NNT: variants seen among roughly 807,000 people sequenced by gnomAD.
The protein encoded by NNT is NAD(P) transhydrogenase, mitochondrial.
NNT carries 50 observed loss-of-function variants against 104.8 expected under a neutral mutation model. That is an observed-to-expected ratio of 0.48 (90% confidence interval 0.38 to 0.60). The LOEUF is 0.60. Among genes scored for constraint, NNT ranks in the 20% least tolerant of loss-of-function variants. The probability of loss-of-function intolerance (pLI) is 0.00; values close to 1 mark genes in which losing one functional copy is unlikely to be tolerated. For missense variants in NNT, 1,131 were observed against 1,330.7 expected (o/e 0.85, Z 2.33); for synonymous variants, 461 against 490.4 (o/e 0.94, Z 0.79).
At position 43,671,022 on chromosome 5, in the gene NNT, C is replaced by G. The variant is rs142702686; in HGVS notation, c.2635-4489C>G. ...TTAGCTCTTCTTGTTGAATTGATCC[C>G]TTTACCATTATGTAATGGCCTTCTT... On this transcript the variant is annotated intron_variant, in intron 17 of 21. Transcript: ENST00000344920. Among the ~76,000 whole-genome samples, 1,700 of 152,278 alleles carry G rather than the reference C, an allele frequency of 0.011. 60 individuals carry two copies. In the East Asian group the frequency reaches 0.14, roughly 13 times the overall value.
chr5:43,704,471 A>G lies in NNT; in HGVS notation c.*67A>G. 6.6e-7 allele frequency: 1 copy of G among 1,512,700 alleles called. No individual in the cohort carries two copies. Among genetic ancestry groups the G allele is most frequent in the Non-Finnish European group, 9.1e-7 (1 of 1,096,628 alleles). The allele number at this position is 1,512,700 out of a possible 1,614,324, so 93.7% of individuals were successfully genotyped here. ...AGTTTTGGGAACAGGCAAATAAAGT[A>G]TCAGTATACATGGTGATGTACATCT... On this transcript the variant is annotated 3_prime_UTR_variant, in exon 22 of 22. Transcript: ENST00000344920.
chr5:43,694,575 A>G (rs1742455660), intron 19 of NNT, among the ~76,000 whole-genome samples: 2 of 152,204 alleles, frequency 1.3e-5, no homozygotes, highest in African/African-American at 4.8e-5. Flanking sequence ...TATGTGATGA[A>G]TCACGTTTAT....
intron 7 of NNT, among the ~76,000 whole-genome samples, chr5:43,636,600 G>A (rs192372416): frequency 2.6e-4 from 39 of 152,204 alleles, no homozygotes; most frequent in Middle Eastern, 3.4e-3. Context: ...ATCAGAATGC[G>A]TAATACAATT....
chr5:43,641,716 C>G (rs1751250045), intron 7 of NNT, among the ~76,000 whole-genome samples: 1 of 151,984 alleles, frequency 6.6e-6, no homozygotes, highest in Non-Finnish European at 1.5e-5. Flanking sequence ...AAATTTTAAA[C>G]TTGTTATAGT....
chr5:43,638,335 G>A (rs1160225111), intron 7 of NNT, among the ~76,000 whole-genome samples: 1 of 152,112 alleles, frequency 6.6e-6, no homozygotes, highest in East Asian at 1.9e-4. Context: ...TGAAGCTTGT[G>A]GACTGGGTGG....
At chr5:43,669,880 G>A (rs1347242542) in intron 17 of NNT, among the ~76,000 whole-genome samples, 1 of 152,102 alleles carries the variant, frequency 6.6e-6, no homozygotes, top group African/African-American at 2.4e-5. Flanking sequence ...TTGTACCTCT[G>A]GTAGAATTCA....
intron 17 of NNT, chr5:43,667,068 CTT>C: frequency 6.3e-7 from 1 of 1,592,782 alleles, no homozygotes; most frequent in Non-Finnish European, 8.5e-7. Context: ...CCTGCATCTT[CTT>C]TAGGCCCTTC....
chr5:43,621,566 G>GC (rs1343479767), intron 5 of NNT, among the ~76,000 whole-genome samples: 2 of 148,146 alleles, frequency 1.4e-5, no homozygotes, highest in Non-Finnish European at 3.0e-5. Context: ...TTTTGACTTG[G>GC]TTTTTTTTTT....
intron 17 of NNT, among the ~76,000 whole-genome samples, chr5:43,669,485 C>G (rs1232889753): frequency 6.6e-6 from 1 of 152,092 alleles, no homozygotes; most frequent in Non-Finnish European, 1.5e-5. Context: ...GAGTTTTTAG[C>G]ATGAAGAGTT....
At chr5:43,652,891 A>G (rs1739837819) in intron 13 of NNT, 127 bp from the exon 14 acceptor site, 3 of 628,274 alleles carry the variant, frequency 4.8e-6, no homozygotes, top group East Asian at 5.6e-5. Context: ...TATAAATGGT[A>G]TAAGTGCAAA....
intron 17 of NNT, among the ~76,000 whole-genome samples, chr5:43,672,120 G>A (rs1741135933): frequency 1.3e-5 from 2 of 152,146 alleles, no homozygotes; most frequent in Admixed American, 1.3e-4. Context: ...TTTGTGCCAT[G>A]GTTTTCAGCT....
chr5:43,607,319 C>T (rs889333724), intron 1 of NNT, among the ~76,000 whole-genome samples: 6 of 152,154 alleles, frequency 3.9e-5, no homozygotes, highest in African/African-American at 1.2e-4. Context: ...TTTGTTTGTG[C>T]CCAACCCTAA....
chr5:43,663,129 T>C (rs1296570334), intron 17 of NNT, among the ~76,000 whole-genome samples: 3 of 152,178 alleles, frequency 2.0e-5, no homozygotes, highest in Non-Finnish European at 2.9e-5. Flanking sequence ...TAATAATTTT[T>C]AGCTCCTAGT....
At chr5:43,664,746 A>G (rs1308453079) in intron 17 of NNT, among the ~76,000 whole-genome samples, 1 of 152,252 alleles carries the variant, frequency 6.6e-6, no homozygotes, top group Non-Finnish European at 1.5e-5. Flanking sequence ...AAAAGAAAAA[A>G]GAAAAAAAGA....
chr5:43,667,127 C>G (rs1053955685), intron 17 of NNT: 1 of 1,501,142 alleles, frequency 6.7e-7, no homozygotes, highest in Non-Finnish European at 9.1e-7. Context: ...AACTTGGGGT[C>G]CACCCCCTTA....
chr5:43,615,122 C>T (rs957905648), intron 3 of NNT, among the ~76,000 whole-genome samples: 21 of 150,436 alleles, frequency 1.4e-4, no homozygotes, highest in Admixed American at 2.6e-4. Flanking sequence ...CCGGCCTGGG[C>T]GACAGAGCGA....
chr5:43,661,949 A>G (rs1451480398), intron 17 of NNT, among the ~76,000 whole-genome samples: 2 of 152,134 alleles, frequency 1.3e-5, no homozygotes, highest in Non-Finnish European at 2.9e-5. Context: ...GCTGGGTCAA[A>G]TGGTATTTCT....
chr5:43,618,193 AT>A (rs1171614279), intron 4 of NNT, among the ~76,000 whole-genome samples: 2 of 152,204 alleles, frequency 1.3e-5, no homozygotes, highest in Non-Finnish European at 2.9e-5. Flanking sequence ...TTCACTGAGC[AT>A]TTTCTATGTG....
At chr5:43,668,494 A>T (rs1004256945) in intron 17 of NNT, among the ~76,000 whole-genome samples, 1 of 152,154 alleles carries the variant, frequency 6.6e-6, no homozygotes, top group Non-Finnish European at 1.5e-5. Context: ...AGCTTTCTTC[A>T]TATGTCTAGC....
Sources: gnomAD v4.1 joint callset for allele counts (sites outside exome capture counted in the v4.1 genomes callset) on GRCh38, gnomAD v4.1.1 for gene constraint, MANE v1.5 for transcripts, NCBI Gene and HGNC (gene_info 2026-07-23, HGNC 2026-07-21) for gene names.